Variants in MAPRE2 observed in about 807,000 individuals in gnomAD.
MAPRE2 encodes the protein microtubule-associated protein RP/EB family member 2.
A neutral mutation model predicts 43.2 loss-of-function variants in MAPRE2; 13 were observed. The ratio of observed to expected loss-of-function variants is 0.30; its 90% CI spans 0.20 to 0.48. The LOEUF (loss-of-function observed/expected upper bound fraction) is 0.48, where lower values mean the gene tolerates loss of function less well. MAPRE2 is among the 20% of genes least tolerant of loss of function. MAPRE2 has a pLI of 0.99. For synonymous variants in MAPRE2, 135 were observed against 148.8 expected (o/e 0.91, Z 0.68); for missense variants, 161 against 400.2 (o/e 0.40, Z 5.10).
chr18:35,106,569 A>G (rs1205071404), intron 4 of MAPRE2, among the ~76,000 whole-genome samples: 1 of 152,186 alleles, frequency 6.6e-6, no homozygotes, highest in Non-Finnish European at 1.5e-5. Context: ...TGTATAAAAT[A>G]GATACATTCT....
intron 2 of MAPRE2, among the ~76,000 whole-genome samples, chr18:35,012,828 T>C (rs927756610): frequency 2.0e-5 from 3 of 152,172 alleles, no homozygotes; most frequent in Non-Finnish European, 4.4e-5. Flanking sequence ...ATGGTGGTGA[T>C]GGTTGAACAA....
intron 2 of MAPRE2, among the ~76,000 whole-genome samples, chr18:35,074,927 G>A (rs1388252709): frequency 6.6e-6 from 1 of 152,092 alleles, no homozygotes; most frequent in Non-Finnish European, 1.5e-5. Context: ...TTAATAAAAT[G>A]TCATTTGAAT....
chr18:35,114,212 C>G (rs1909308079), intron 4 of MAPRE2, among the ~76,000 whole-genome samples: 1 of 152,156 alleles, frequency 6.6e-6, no homozygotes, highest in Non-Finnish European at 1.5e-5. Flanking sequence ...CCTCTTACCT[C>G]CTCCCCACAC....
chr18:35,077,230 TAC>T (rs916519275), intron 2 of MAPRE2, among the ~76,000 whole-genome samples: 3 of 145,666 alleles, frequency 2.1e-5, no homozygotes, highest in Non-Finnish European at 3.0e-5. Flanking sequence ...CTCTCACAGA[TAC>T]GCGCGCGTGC....
intron 4 of MAPRE2, among the ~76,000 whole-genome samples, chr18:35,107,692 TATA>T (rs1388183024): frequency 6.6e-6 from 1 of 152,166 alleles, no homozygotes; most frequent in Non-Finnish European, 1.5e-5. Context: ...TAGTTGGTTG[TATA>T]GTGTTTTAGA....
chr18:35,045,034 A>G (rs1045972335), intron 1 of MAPRE2, among the ~76,000 whole-genome samples: 3 of 152,234 alleles, frequency 2.0e-5, no homozygotes, highest in African/African-American at 4.8e-5. Context: ...AGTAATTCCA[A>G]TTGAAAAGAG....
intron 1 of MAPRE2, among the ~76,000 whole-genome samples, chr18:34,979,445 A>G (rs2097014932): frequency 6.6e-6 from 1 of 152,166 alleles, no homozygotes; most frequent in African/African-American, 2.4e-5. Context: ...ATATCTGATC[A>G]GGATCTACTT....
In MAPRE2 at chr18:35,085,221, G is replaced by A. The variant is rs1415270541; in HGVS notation, c.251-12225G>A. 2.6e-5 allele frequency among the ~76,000 whole-genome samples: 4 copies of A among 152,182 alleles called. No individual in the cohort carries two copies. In the East Asian group the frequency reaches 7.7e-4, roughly 29 times the overall value. The stretch of plus-strand genomic sequence containing the variant: ...CTGGAAATATGTAACCTTGTATTTT[G>A]CAGCCTCACTTTCCTCTTTAGTAAA... On this transcript the variant is annotated intron_variant, in intron 2 of 6. Transcript: ENST00000300249.
chr18:35,055,682 G>A (rs1906192992), intron 1 of MAPRE2, among the ~76,000 whole-genome samples: 1 of 152,160 alleles, frequency 6.6e-6, no homozygotes, highest in Non-Finnish European at 1.5e-5. Context: ...GCCAGATGTG[G>A]TGGCTCACGC....
intron 6 of MAPRE2, among the ~76,000 whole-genome samples, chr18:35,135,806 C>A (rs1041870626): frequency 6.6e-6 from 1 of 152,224 alleles, no homozygotes; most frequent in Non-Finnish European, 1.5e-5. Context: ...GCACTTTGTT[C>A]ATGATGCTGT....
intron 1 of MAPRE2, among the ~76,000 whole-genome samples, chr18:35,054,371 A>G (rs997307263): frequency 6.6e-6 from 1 of 152,218 alleles, no homozygotes; most frequent in African/African-American, 2.4e-5. Context: ...GTTTAAGTTC[A>G]CTAATGATTT....
intron 2 of MAPRE2, among the ~76,000 whole-genome samples, chr18:35,019,233 A>G (rs2097040431): frequency 6.6e-6 from 1 of 151,896 alleles, no homozygotes; most frequent in African/African-American, 2.4e-5. Flanking sequence ...TTATTGAGAC[A>G]CTTTATGGCT....
chr18:35,008,848 G>A (rs1315242446), intron 2 of MAPRE2, among the ~76,000 whole-genome samples: 1 of 152,006 alleles, frequency 6.6e-6, no homozygotes, highest in Non-Finnish European at 1.5e-5. Flanking sequence ...TATAGTTTTA[G>A]GGTACTAGTT....
In MAPRE2 at chr18:35,141,599, C is replaced by T. The variant is rs980195038; in HGVS notation, c.*1230C>T. ...GAAACATTAATGAATTAAAAGCATTCCTTATTTTTTAACTAATATTTGTAC... is the reference window on the plus strand; with the variant it reads ...GAAACATTAATGAATTAAAAGCATTTCTTATTTTTTAACTAATATTTGTAC... On this transcript the variant is annotated 3_prime_UTR_variant, in exon 7 of 7. Coordinates refer to ENST00000300249, the MANE Select transcript of MAPRE2 (RefSeq NM_014268.4). The T allele has an allele frequency of 6.6e-6, 1 of 152,004 alleles. No homozygotes were observed. Among genetic ancestry groups the T allele is most frequent in the Non-Finnish European group, 1.5e-5 (1 of 68,024 alleles). The allele number at this position is 152,004 out of a possible 1,614,324, so 9.4% of individuals were successfully genotyped here.
At chr18:35,066,541 A>G (rs1906846421) in intron 1 of MAPRE2, among the ~76,000 whole-genome samples, 4 of 152,226 alleles carry the variant, frequency 2.6e-5, no homozygotes, top group Admixed American at 2.6e-4. Context: ...TAACATTTGG[A>G]AAAAATATAT....
chr18:35,046,120 G>C (rs1040217871), intron 1 of MAPRE2, among the ~76,000 whole-genome samples: 1 of 152,176 alleles, frequency 6.6e-6, no homozygotes, highest in Non-Finnish European at 1.5e-5. Context: ...TGAAGCTGCA[G>C]TGAATAATTC....
chr18:35,029,524 CT>C (rs1049956695), intron 2 of MAPRE2, among the ~76,000 whole-genome samples: 6 of 152,176 alleles, frequency 3.9e-5, no homozygotes, highest in African/African-American at 1.2e-4. Flanking sequence ...TCCTGACTTC[CT>C]TTGTATGTAT....
At chr18:35,065,276 C>T (rs570477041) in intron 1 of MAPRE2, among the ~76,000 whole-genome samples, 152 of 149,538 alleles carry the variant, frequency 1.0e-3, no homozygotes, top group African/African-American at 3.4e-3. Context: ...CCAGCCTGGG[C>T]GACAGAGTAG....
At chr18:35,014,226 G>C (rs1250823710) in intron 2 of MAPRE2, among the ~76,000 whole-genome samples, 1 of 151,982 alleles carries the variant, frequency 6.6e-6, no homozygotes, top group Non-Finnish European at 1.5e-5. Flanking sequence ...AAGGTGGTAG[G>C]GTCGGAGATA....
Sources: gnomAD v4.1 joint callset for allele counts (sites outside exome capture counted in the v4.1 genomes callset) on GRCh38, gnomAD v4.1.1 for gene constraint, MANE v1.5 for transcripts, NCBI Gene and HGNC (gene_info 2026-07-23, HGNC 2026-07-21) for gene names.